PHLDB2: variants seen among roughly 807,000 people sequenced by gnomAD.
PHLDB2 encodes pleckstrin homology like domain family B member 2, also known as pleckstrin homology-like domain family B member 2.
Under a neutral mutation model 123.6 loss-of-function variants are expected in PHLDB2, and 71 were observed. The observed-to-expected ratio is 0.57, with a 90% confidence interval of 0.47 to 0.70. The LOEUF (loss-of-function observed/expected upper bound fraction) is 0.70, where lower values mean the gene tolerates loss of function less well. Among genes scored for constraint, PHLDB2 ranks in the 30% least tolerant of loss-of-function variants. PHLDB2 has a pLI of 0.00. For missense variants in PHLDB2, 1,446 were observed against 1,519.5 expected, an observed-to-expected ratio of 0.95 and a Z score of 0.80; for synonymous variants, 547 against 541.6, an observed-to-expected ratio of 1.01 and a Z score of -0.14.
intron 13 of PHLDB2, among the ~76,000 whole-genome samples, chr3:111,964,304 C>CAA (rs1491025508): frequency 6.6e-6 from 1 of 150,646 alleles, no homozygotes; most frequent in East Asian, 1.9e-4. Context: ...CACACACACA[C>CAA]AAAAGGTAAC....
At chr3:111,950,539 T>C (rs1236134066) in intron 10 of PHLDB2, among the ~76,000 whole-genome samples, 2 of 152,196 alleles carry the variant, frequency 1.3e-5, no homozygotes, top group Admixed American at 1.3e-4. Context: ...TTTAAATAAA[T>C]AATTTTTTAT....
intron 1 of PHLDB2, among the ~76,000 whole-genome samples, chr3:111,795,352 C>T (rs948622481): frequency 6.6e-6 from 1 of 152,060 alleles, no homozygotes; most frequent in African/African-American, 2.4e-5. Flanking sequence ...CAGTCGTCAC[C>T]AAAGTGCACA....
chr3:111,851,991 C>T (rs1039480245), intron 2 of PHLDB2, among the ~76,000 whole-genome samples: 1 of 151,806 alleles, frequency 6.6e-6, no homozygotes, highest in Non-Finnish European at 1.5e-5. Context: ...CATATGTTGT[C>T]TTCCCTGTTG....
chr3:111,971,639 C>T (rs1051297737), intron 16 of PHLDB2, among the ~76,000 whole-genome samples: 1 of 152,120 alleles, frequency 6.6e-6, no homozygotes, highest in Non-Finnish European at 1.5e-5. Flanking sequence ...CCACTCCTAC[C>T]CCCACCCCTG....
chr3:111,787,987 C>G (rs763237370), intron 1 of PHLDB2, among the ~76,000 whole-genome samples: 1 of 152,112 alleles, frequency 6.6e-6, no homozygotes, highest in Non-Finnish European at 1.5e-5. Context: ...ATCCTCCAGT[C>G]TGGCAAAGAC....
chr3:111,904,277 C>T (rs937560), intron 2 of PHLDB2, among the ~76,000 whole-genome samples: 10 of 86,746 alleles, frequency 1.2e-4, no homozygotes, highest in African/African-American at 3.7e-4. Flanking sequence ...GACCCTGTCT[C>T]AAAAAAAAAA....
intron 1 of PHLDB2, among the ~76,000 whole-genome samples, chr3:111,790,733 A>C (rs2060884385): frequency 6.6e-6 from 1 of 152,200 alleles, no homozygotes; most frequent in Admixed American, 6.5e-5. Context: ...ACAGCCTCCA[A>C]CCTAAACAGT....
chr3:111,953,276 C>T (rs139616208), intron 11 of PHLDB2, among the ~76,000 whole-genome samples: 177 of 152,238 alleles, frequency 1.2e-3, no homozygotes, highest in African/African-American at 4.1e-3. Flanking sequence ...CCCAAGCTCT[C>T]CCTCAGGTTC....
At chr3:111,763,711 A>G (rs893572120) in intron 1 of PHLDB2, among the ~76,000 whole-genome samples, 7 of 152,128 alleles carry the variant, frequency 4.6e-5, no homozygotes, top group African/African-American at 1.7e-4. Flanking sequence ...TCACGAGGAC[A>G]AAGCCCTTGT....
chr3:111,751,141 A>T (rs2059764899), intron 1 of PHLDB2, among the ~76,000 whole-genome samples: 1 of 151,186 alleles, frequency 6.6e-6, no homozygotes, highest in Non-Finnish European at 1.5e-5. Context: ...AAATATAAAA[A>T]AGAAAAAAGC....
At chr3:111,832,392 A>T (rs2063089554) in intron 1 of PHLDB2, among the ~76,000 whole-genome samples, 1 of 151,596 alleles carries the variant, frequency 6.6e-6, no homozygotes, top group African/African-American at 2.4e-5. Flanking sequence ...ACAAAAAACA[A>T]AAAAACAAAA....
chr3:111,784,534 A>C (rs1559829749), intron 1 of PHLDB2, among the ~76,000 whole-genome samples: 1 of 152,098 alleles, frequency 6.6e-6, no homozygotes, highest in Non-Finnish European at 1.5e-5. Context: ...TCTCTCATAA[A>C]CCGTGCTGAT....
chr3:111,956,232 G>C (rs147264646), intron 12 of PHLDB2, among the ~76,000 whole-genome samples: 40 of 152,232 alleles, frequency 2.6e-4, no homozygotes, highest in African/African-American at 8.7e-4. Flanking sequence ...TTCTCAAAGA[G>C]TAAGAAAAAC....
chr3:111,846,188 A>G (rs2063976652), intron 2 of PHLDB2: 2 of 382,962 alleles, frequency 5.2e-6, no homozygotes, highest in Non-Finnish European at 9.8e-6. Flanking sequence ...GGGAAGACCC[A>G]AGCAGCTGGT....
At chr3:111,799,883 TA>T (rs561863827) in intron 1 of PHLDB2, among the ~76,000 whole-genome samples, 199 of 152,280 alleles carry the variant, frequency 1.3e-3, no homozygotes, top group African/African-American at 4.4e-3. Context: ...GGAGGAGGTC[TA>T]AAAAATATTA....
chr3:111,888,506 TATG>T (rs960121061), intron 2 of PHLDB2, among the ~76,000 whole-genome samples: 11 of 152,170 alleles, frequency 7.2e-5, no homozygotes, highest in African/African-American at 2.4e-4. Context: ...TAGATTATTT[TATG>T]ATGAGCAAGA....
chr3:111,768,114 A>G (rs2060113799), intron 1 of PHLDB2, among the ~76,000 whole-genome samples: 2 of 152,340 alleles, frequency 1.3e-5, no homozygotes, highest in Admixed American at 6.5e-5. Context: ...AGTTTCCCCT[A>G]TTAGAAAGTA....
intron 6 of PHLDB2, among the ~76,000 whole-genome samples, chr3:111,932,749 A>G (rs1219126504): frequency 1.3e-5 from 2 of 151,956 alleles, no homozygotes; most frequent in African/African-American, 4.8e-5. Context: ...CATGAATCCT[A>G]TTTACCCTTG....
At chr3:111,771,645 C>T (rs2060179046) in intron 1 of PHLDB2, among the ~76,000 whole-genome samples, 1 of 152,176 alleles carries the variant, frequency 6.6e-6, no homozygotes, top group Non-Finnish European at 1.5e-5. Flanking sequence ...TGGCCACTGC[C>T]TTCATCTTTA....
Sources: allele counts gnomAD v4.1 joint callset (sites outside exome capture counted in the v4.1 genomes callset), GRCh38; gene constraint gnomAD v4.1.1; transcripts MANE v1.5; gene names NCBI Gene and HGNC (gene_info 2026-07-23, HGNC 2026-07-21).